ZNF121: variants seen among roughly 807,000 people sequenced by gnomAD.
The protein encoded by ZNF121 is zinc finger protein 121.
Under a neutral mutation model 2.4 loss-of-function variants are expected in ZNF121, and 1 was observed. The observed-to-expected ratio is 0.41, with a 90% CI of 0.15 to 1.94. The LOEUF (loss-of-function observed/expected upper bound fraction) is 1.94, where lower values mean the gene tolerates loss of function less well. Ranked by LOEUF, ZNF121 falls within the 30% of genes most tolerant of loss-of-function variation. ZNF121 has a pLI of 0.30. For synonymous variants in ZNF121, 173 were observed against 158.6 expected (o/e 1.09, Z -0.68); for missense variants, 369 against 466.3 (o/e 0.79, Z 1.92).
In ZNF121 at chr19:9,563,065, A is replaced by AC. The variant is rs2074110222; in HGVS notation, c.*2874_*2875insG. 1 of 151,194 alleles carries AC rather than the reference A, an allele frequency of 6.6e-6. No homozygotes were observed. The highest frequency in any genetic ancestry group is 2.4e-5 in the African/African-American group (1 of 41,154). 9.4% of individuals were successfully genotyped at this position (151,194 alleles called of 1,614,324 possible). ...GAGACCATGTCTCAAAAAAAAAAAA[A>AC]AAAAAAAAACTGGGATAGGCCAAAA... On this transcript the variant is annotated 3_prime_UTR_variant, in exon 4 of 4. Coordinates refer to ENST00000320451, the MANE Select transcript of ZNF121 (RefSeq NM_001008727.5).
intron 1 of ZNF121, among the ~76,000 whole-genome samples, chr19:9,575,100 C>A (rs1290339932): frequency 6.6e-6 from 1 of 152,080 alleles, no homozygotes; most frequent in East Asian, 1.9e-4. Context: ...TTTCAAAGTG[C>A]TGGAAGAAAA....
At chr19:9,583,768 TG>T (rs2074265938) in intron 1 of ZNF121, among the ~76,000 whole-genome samples, 1 of 152,120 alleles carries the variant, frequency 6.6e-6, no homozygotes, top group Admixed American at 6.5e-5. Flanking sequence ...ACCTCCCAAA[TG>T]GCTGGGACTA....
chr19:9,575,894 A>G (rs531211270), intron 1 of ZNF121, among the ~76,000 whole-genome samples: 261 of 98,558 alleles, frequency 2.6e-3, no homozygotes, highest in African/African-American at 0.017. Context: ...TACACACTGC[A>G]GTGCAGTAAT....
At chr19:9,567,136 T>G in intron 3 of ZNF121, 27 bp from the exon 4 acceptor site, 1 of 1,552,036 alleles carries the variant, frequency 6.4e-7, no homozygotes, top group Non-Finnish European at 8.7e-7. Context: ...GAATGATGAT[T>G]AAAGGATTTT....
At chr19:9,579,388 T>G (rs1488588963) in intron 1 of ZNF121, among the ~76,000 whole-genome samples, 1 of 152,028 alleles carries the variant, frequency 6.6e-6, no homozygotes, top group Non-Finnish European at 1.5e-5. Context: ...TGCACACATA[T>G]GCACACATAA....
intron 1 of ZNF121, among the ~76,000 whole-genome samples, chr19:9,574,929 G>GA (rs71188829): frequency 1.7e-4 from 25 of 148,140 alleles, no homozygotes; most frequent in East Asian, 5.9e-4. Context: ...TCATTAGATG[G>GA]AAAAAAAAAA....
chr19:9,581,144 A>C (rs1391274598), intron 1 of ZNF121, among the ~76,000 whole-genome samples: 2 of 152,230 alleles, frequency 1.3e-5, no homozygotes, highest in Non-Finnish European at 2.9e-5. Flanking sequence ...AATGAGTGTT[A>C]GGAATAACGC....
chr19:9,578,505 C>T (rs1375158646), intron 1 of ZNF121, among the ~76,000 whole-genome samples: 1 of 152,004 alleles, frequency 6.6e-6, no homozygotes, highest in Non-Finnish European at 1.5e-5. Flanking sequence ...AAAACAAACA[C>T]ATAGATCTAT....
chr19:9,565,387 A>AAAAAAAAAAAAAAAAAT lies in ZNF121; in HGVS notation c.*552_*553insATTTTTTTTTTTTTTTT, dbSNP rs1369472195. The AAAAAAAAAAAAAAAAAT allele has an allele frequency of 1.4e-5, 2 of 139,724 alleles. No homozygotes were observed. Among genetic ancestry groups the AAAAAAAAAAAAAAAAAT allele is most frequent in the Admixed American group, 1.5e-4 (2 of 13,122 alleles). 8.7% of individuals were successfully genotyped at this position (139,724 alleles called of 1,614,324 possible). On this transcript the variant is annotated 3_prime_UTR_variant, in exon 4 of 4. Transcript: ENST00000320451. ...AAAAAAAAAAAAAAAAAAAAAAAAA[A>AAAAAAAAAAAAAAAAAT]GGCCAGGAGCAGTGGCTCACTCCTA...
intron 3 of ZNF121, chr19:9,567,612 C>T (rs907217430): frequency 7.6e-5 from 21 of 277,210 alleles, no homozygotes; most frequent in African/African-American, 4.0e-4. Context: ...ATTATTATTA[C>T]ATTGTAATAT....
At chr19:9,568,236 A>G in intron 2 of ZNF121, 61 bp from the exon 3 acceptor site, 2 of 714,490 alleles carry the variant, frequency 2.8e-6, no homozygotes, top group South Asian at 2.8e-5. Flanking sequence ...AGTAGGTTAA[A>G]TAAGTCAGAA....
intron 1 of ZNF121, among the ~76,000 whole-genome samples, chr19:9,573,893 C>A (rs1427529797): frequency 6.6e-6 from 1 of 152,122 alleles, no homozygotes; most frequent in Non-Finnish European, 1.5e-5. Context: ...GTTGCCCAGG[C>A]TGGAGTACCG....
chr19:9,583,112 G>A (rs1322202352), intron 1 of ZNF121, among the ~76,000 whole-genome samples: 1 of 150,172 alleles, frequency 6.7e-6, no homozygotes, highest in Non-Finnish European at 1.5e-5. Context: ...CTGCTACTCG[G>A]AGGCTGAGGC....
intron 1 of ZNF121, among the ~76,000 whole-genome samples, chr19:9,581,420 G>C (rs557598531): frequency 9.9e-5 from 15 of 152,102 alleles, no homozygotes; most frequent in Non-Finnish European, 1.8e-4. Flanking sequence ...AAAGTGGAGA[G>C]GAAGGGGAAG....
At chr19:9,577,934 T>A (rs1217353956) in intron 1 of ZNF121, among the ~76,000 whole-genome samples, 1 of 151,356 alleles carries the variant, frequency 6.6e-6, no homozygotes, top group East Asian at 1.9e-4. Flanking sequence ...GGCTCACGCC[T>A]GTAATCCCAG....
At chr19:9,567,608 A>G in intron 3 of ZNF121, 1 of 272,172 alleles carries the variant, frequency 3.7e-6, no homozygotes, top group Non-Finnish European at 7.7e-6. Flanking sequence ...TTCTATTATT[A>G]TTACATTGTA....
At chr19:9,577,669 C>T (rs188815208) in intron 1 of ZNF121, among the ~76,000 whole-genome samples, 2 of 152,042 alleles carry the variant, frequency 1.3e-5, no homozygotes, top group Non-Finnish European at 2.9e-5. Context: ...CAGTGAAATT[C>T]GTCACAAAAA....
intron 1 of ZNF121, among the ~76,000 whole-genome samples, chr19:9,575,128 T>C (rs1322625306): frequency 1.3e-5 from 2 of 152,090 alleles, no homozygotes; most frequent in South Asian, 2.1e-4. Context: ...TATCTAAGAA[T>C]ACCGTATTCA....
At chr19:9,576,682 A>C (rs995734331) in intron 1 of ZNF121, among the ~76,000 whole-genome samples, 1 of 152,136 alleles carries the variant, frequency 6.6e-6, no homozygotes, top group African/African-American at 2.4e-5. Flanking sequence ...ATAAAACATA[A>C]AGTTGATTAC....
Sources: gnomAD v4.1 joint callset for allele counts (sites outside exome capture counted in the v4.1 genomes callset) on GRCh38, gnomAD v4.1.1 for gene constraint, MANE v1.5 for transcripts, NCBI Gene and HGNC (gene_info 2026-07-23, HGNC 2026-07-21) for gene names.